Variants in FUT9 observed in about 807,000 individuals in gnomAD.
FUT9 encodes fucosyltransferase 9, also known as 4-galactosyl-N-acetylglucosaminide 3-alpha-L-fucosyltransferase 9.
FUT9 carries 15 observed loss-of-function variants against 29.7 expected under a neutral mutation model. That is an observed-to-expected ratio of 0.51 (90% CI 0.34 to 0.78). The LOEUF is 0.78. FUT9 is among the 30% of genes least tolerant of loss of function. FUT9 has a pLI of 0.01. For missense variants in FUT9, 319 were observed against 425.4 expected (o/e 0.75, Z 2.20); for synonymous variants, 169 against 153.7 (o/e 1.10, Z -0.74).
At chr6:96,165,697 C>A (rs6571088) in intron 2 of FUT9, among the ~76,000 whole-genome samples, 23,230 of 151,934 alleles carry the variant, frequency 0.15, 1,991 homozygotes, top group Admixed American at 0.25. Context: ...CTCACTGCAA[C>A]CTCCACCTCC....
intron 1 of FUT9, among the ~76,000 whole-genome samples, chr6:96,061,819 A>G (rs1191041460): frequency 6.6e-6 from 1 of 152,154 alleles, no homozygotes; most frequent in Non-Finnish European, 1.5e-5. Flanking sequence ...AAACTCAGAA[A>G]GCTCTTAATC....
At chr6:96,081,568 G>C (rs1434000780) in intron 1 of FUT9, among the ~76,000 whole-genome samples, 1 of 151,822 alleles carries the variant, frequency 6.6e-6, no homozygotes, top group African/African-American at 2.4e-5. Context: ...TGGCTTCCAA[G>C]ATGATGGTTG....
chr6:96,115,472 A>G (rs1771893200), intron 2 of FUT9, among the ~76,000 whole-genome samples: 1 of 152,240 alleles, frequency 6.6e-6, no homozygotes, highest in Non-Finnish European at 1.5e-5. Flanking sequence ...GGAAAAGTAG[A>G]TTCACAAACC....
At chr6:96,194,199 T>A (rs9377503) in intron 2 of FUT9, among the ~76,000 whole-genome samples, 18,920 of 152,136 alleles carry the variant, frequency 0.12, 1,426 homozygotes, top group East Asian at 0.18. Context: ...ACTTAAAGTA[T>A]AATAATAAAA....
intron 2 of FUT9, among the ~76,000 whole-genome samples, chr6:96,142,763 A>T (rs1010837611): frequency 6.6e-6 from 1 of 152,114 alleles, no homozygotes; most frequent in Non-Finnish European, 1.5e-5. Context: ...AATATTTTTT[A>T]AATTATAAGG....
intron 2 of FUT9, among the ~76,000 whole-genome samples, chr6:96,127,732 G>A (rs1772159635): frequency 6.6e-6 from 1 of 152,042 alleles, no homozygotes; most frequent in African/African-American, 2.4e-5. Flanking sequence ...ATTCTGATTG[G>A]TATGAGATGG....
At chr6:96,129,121 TG>T (rs1423035623) in intron 2 of FUT9, among the ~76,000 whole-genome samples, 4 of 143,740 alleles carry the variant, frequency 2.8e-5, no homozygotes, top group African/African-American at 1.0e-4. Flanking sequence ...AAAAAATAGC[TG>T]GGCGTGGTGG....
intron 1 of FUT9, among the ~76,000 whole-genome samples, chr6:96,053,067 T>G (rs576258227): frequency 9.2e-5 from 14 of 152,058 alleles, no homozygotes; most frequent in Non-Finnish European, 1.8e-4. Context: ...TTATTTTTAA[T>G]GCAAGTACTG....
At chr6:96,025,736 G>A (rs567550684) in intron 1 of FUT9, among the ~76,000 whole-genome samples, 1 of 151,714 alleles carries the variant, frequency 6.6e-6, no homozygotes, top group East Asian at 1.9e-4. Context: ...AGAAAGCCAT[G>A]ACTTTGTCAG....
chr6:96,037,129 A>T (rs1378355768), intron 1 of FUT9: 1 of 151,972 alleles, frequency 6.6e-6, no homozygotes, highest in African/African-American at 2.4e-5. Context: ...TTTTATATGT[A>T]TGTGGGTATG....
At chr6:96,034,224 C>T (rs1770314558) in intron 1 of FUT9, among the ~76,000 whole-genome samples, 1 of 151,514 alleles carries the variant, frequency 6.6e-6, no homozygotes, top group South Asian at 2.1e-4. Flanking sequence ...AACCTCTGTA[C>T]CAACTTGGGA....
chr6:96,080,694 G>A (rs1477376672), intron 1 of FUT9, among the ~76,000 whole-genome samples: 1 of 151,808 alleles, frequency 6.6e-6, no homozygotes, highest in Non-Finnish European at 1.5e-5. Context: ...TCCTAAAGTG[G>A]TCATATCCAG....
chr6:96,103,903 C>G (rs1771632967), intron 1 of FUT9, among the ~76,000 whole-genome samples: 1 of 152,124 alleles, frequency 6.6e-6, no homozygotes, highest in African/African-American at 2.4e-5. Context: ...ATTGCACTGG[C>G]AAATGATGTA....
chr6:96,186,876 A>G (rs943132651), intron 2 of FUT9, among the ~76,000 whole-genome samples: 1 of 152,134 alleles, frequency 6.6e-6, no homozygotes, highest in Non-Finnish European at 1.5e-5. Context: ...ATGTCTACCC[A>G]CATTAGGGAG....
rs148845427 is a variant in FUT9 at position 96,161,206 on chromosome 6, G to A, written c.-8-41942G>A. Among the ~76,000 whole-genome samples the A allele has an allele frequency of 7.9e-3, 1,197 of 152,214 alleles. 9 individuals carry two copies. Among genetic ancestry groups the A allele is most frequent in the Non-Finnish European group, 9.9e-3 (676 of 68,010 alleles). On this transcript the variant is annotated intron_variant, in intron 2 of 2. Coordinates refer to ENST00000302103, the MANE Select transcript of FUT9 (RefSeq NM_006581.4). ...CCCAAATGTGATGATATTAAGAGGT[G>A]GGGTCATTGGTGGGTGATTAGATCA...
At chr6:96,191,414 A>G (rs1773506428) in intron 2 of FUT9, among the ~76,000 whole-genome samples, 1 of 152,194 alleles carries the variant, frequency 6.6e-6, no homozygotes, top group African/African-American at 2.4e-5. Flanking sequence ...CACTGATCCC[A>G]CAGAAATACA....
intron 2 of FUT9, among the ~76,000 whole-genome samples, chr6:96,134,659 C>T (rs11755648): frequency 0.21 from 32,066 of 151,434 alleles, 4,178 homozygotes; most frequent in Middle Eastern, 0.32. Context: ...AATAATCCCA[C>T]GAAACAGATA....
At chr6:96,017,289 G>T (rs1243811415) in intron 1 of FUT9, among the ~76,000 whole-genome samples, 2 of 152,210 alleles carry the variant, frequency 1.3e-5, no homozygotes, top group African/African-American at 4.8e-5. Context: ...AGAAGCTCCT[G>T]CACTATTTGG....
intron 2 of FUT9, among the ~76,000 whole-genome samples, chr6:96,122,677 C>CAT (rs1265692642): frequency 1.3e-5 from 2 of 151,984 alleles, no homozygotes; most frequent in African/African-American, 4.8e-5. Context: ...CTTGAGTTTT[C>CAT]ATATATATAT....
Sources: gnomAD v4.1 joint callset for allele counts (sites outside exome capture counted in the v4.1 genomes callset) on GRCh38, gnomAD v4.1.1 for gene constraint, MANE v1.5 for transcripts, NCBI Gene and HGNC (gene_info 2026-07-23, HGNC 2026-07-21) for gene names.